The following ENTREP2 variants were observed in gnomAD, a reference collection of about 807,000 sequenced individuals.
ENTREP2 encodes the protein protein ENTREP2.
chr15:29,559,601 C>A, the ENTREP2 span, among the ~76,000 whole-genome samples: 1 of 152,098 alleles, frequency 6.6e-6, no homozygotes, highest in Admixed American at 6.5e-5. Context: ...TGCTTCCCTG[C>A]CTTTCCGGGC....
the ENTREP2 span, among the ~76,000 whole-genome samples, chr15:29,648,361 T>C: frequency 6.6e-6 from 1 of 152,180 alleles, no homozygotes; most frequent in Non-Finnish European, 1.5e-5. Context: ...GTTCAGTCCA[T>C]ACTACTGACA....
At chr15:29,508,902 G>A in the ENTREP2 span, among the ~76,000 whole-genome samples, 1 of 152,168 alleles carries the variant, frequency 6.6e-6, no homozygotes, top group East Asian at 1.9e-4. Context: ...CCTGGCCAGG[G>A]CAATGAGGCA....
chr15:29,496,786 T>C, the ENTREP2 span, among the ~76,000 whole-genome samples: 3 of 152,332 alleles, frequency 2.0e-5, no homozygotes, highest in African/African-American at 7.2e-5. Context: ...TAATATGCTA[T>C]TGAATTCAGT....
chr15:29,139,759 A>G, the ENTREP2 span, among the ~76,000 whole-genome samples: 2 of 152,122 alleles, frequency 1.3e-5, no homozygotes, highest in Non-Finnish European at 2.9e-5. Flanking sequence ...CCCTTTTCCC[A>G]GGAATCCTTT....
chr15:29,149,803 G>C, the ENTREP2 span, among the ~76,000 whole-genome samples: 437 of 152,284 alleles, frequency 2.9e-3, 1 homozygote, highest in African/African-American at 0.01. Context: ...CAGAGCCGGG[G>C]GTCTCATCAC....
the ENTREP2 span, among the ~76,000 whole-genome samples, chr15:29,588,937 C>T: frequency 6.6e-6 from 1 of 151,206 alleles, no homozygotes; most frequent in South Asian, 2.1e-4. Context: ...CTGCCATGAC[C>T]CATGATTGTG....
chr15:29,338,070 C>T, the ENTREP2 span, among the ~76,000 whole-genome samples: 5 of 152,194 alleles, frequency 3.3e-5, no homozygotes, highest in South Asian at 8.3e-4. Context: ...TATCATCATA[C>T]ATGTACGTAT....
the ENTREP2 span, among the ~76,000 whole-genome samples, chr15:29,444,214 G>GAAAGAAAGAAAGAAAGA: frequency 1.1e-3 from 160 of 146,218 alleles, 4 homozygotes; most frequent in African/African-American, 4.0e-3. Flanking sequence ...AAGAAAGAAA[G>GAAAGAAAGAAAGAAAGA]AAAGAAAGAA....
chr15:29,651,544 C>A, the ENTREP2 span, among the ~76,000 whole-genome samples: 2 of 152,192 alleles, frequency 1.3e-5, no homozygotes, highest in Non-Finnish European at 2.9e-5. Context: ...GCGCAAGACC[C>A]GGGCATCTCT....
the ENTREP2 span, among the ~76,000 whole-genome samples, chr15:29,339,041 C>T: frequency 6.6e-6 from 1 of 152,174 alleles, no homozygotes; most frequent in African/African-American, 2.4e-5. Flanking sequence ...AAGGCACTGC[C>T]AATCTCAGCA....
the ENTREP2 span, among the ~76,000 whole-genome samples, chr15:29,458,673 T>C: frequency 1.3e-5 from 2 of 152,216 alleles, no homozygotes; most frequent in Admixed American, 1.3e-4. Context: ...TCCAGCACCA[T>C]AATGTCAAAC....
the ENTREP2 span, among the ~76,000 whole-genome samples, chr15:29,134,688 G>C: frequency 1.3e-5 from 2 of 152,176 alleles, no homozygotes; most frequent in Non-Finnish European, 2.9e-5. Context: ...TGTGATTGTC[G>C]GAAGGGCTTG....
chr15:29,597,799 C>T, the ENTREP2 span, among the ~76,000 whole-genome samples: 2 of 151,984 alleles, frequency 1.3e-5, no homozygotes, highest in Non-Finnish European at 2.9e-5. Context: ...TTTCAAATCA[C>T]CTGAGTGTGA....
the ENTREP2 span, among the ~76,000 whole-genome samples, chr15:29,290,742 G>A: frequency 6.6e-6 from 1 of 152,196 alleles, no homozygotes; most frequent in Non-Finnish European, 1.5e-5. Context: ...TCACCAGTAG[G>A]TTCCTCTGCC....
chr15:29,669,409 G>T, the ENTREP2 span, among the ~76,000 whole-genome samples: 1 of 152,116 alleles, frequency 6.6e-6, no homozygotes, highest in Admixed American at 6.5e-5. Flanking sequence ...TGTGATGCCC[G>T]GCACCACCTT....
At chr15:29,319,074 A>T in the ENTREP2 span, among the ~76,000 whole-genome samples, 2 of 152,224 alleles carry the variant, frequency 1.3e-5, no homozygotes, top group Admixed American at 1.3e-4. Flanking sequence ...TCATTTTGCC[A>T]TCTGCACTGC....
At chr15:29,196,652 A>C in the ENTREP2 span, 20 of 1,418,118 alleles carry the variant, frequency 1.4e-5, no homozygotes, top group Admixed American at 6.6e-5. Flanking sequence ...AGAACACAGG[A>C]AAATGGCTCA....
chr15:29,581,215 A>G, the ENTREP2 span, among the ~76,000 whole-genome samples: 1 of 152,216 alleles, frequency 6.6e-6, no homozygotes, highest in African/African-American at 2.4e-5. Context: ...ATTTGATTAT[A>G]ATCATCTCCT....
At chr15:29,485,816 A>G in the ENTREP2 span, among the ~76,000 whole-genome samples, 37 of 152,310 alleles carry the variant, frequency 2.4e-4, no homozygotes, top group African/African-American at 8.4e-4. Flanking sequence ...AATGATATAT[A>G]CCATCCCAAC....
Sources: gnomAD v4.1 joint callset for allele counts (sites outside exome capture counted in the v4.1 genomes callset) on GRCh38, gnomAD v4.1.1 for gene constraint, MANE v1.5 for transcripts, NCBI Gene and HGNC (gene_info 2026-07-23, HGNC 2026-07-21) for gene names.